USP11: variants seen among roughly 807,000 people sequenced by gnomAD.
USP11 encodes ubiquitin carboxyl-terminal hydrolase 11.
Under a neutral mutation model 72.8 loss-of-function variants are expected in USP11, and 5 were observed. The observed-to-expected ratio is 0.07, with a 90% CI of 0.04 to 0.14. The LOEUF is 0.14. USP11 is among the 10% of genes least tolerant of loss of function. USP11 has a pLI of 1.00. For synonymous variants in USP11, 368 were observed against 326.5 expected (o/e 1.13, Z -1.37); for missense variants, 480 against 794.7 (o/e 0.60, Z 4.76).
At position 47,235,511 on chromosome X, in the gene USP11, G is replaced by A. The variant is rs753529528; in HGVS notation, c.176+2292G>A. Among the ~76,000 whole-genome samples the A allele has an allele frequency of 7.2e-5, 8 of 110,852 alleles. No individual in the cohort carries two copies. The South Asian group carries it at 2.6e-3, about 37-fold the overall frequency. On this transcript the variant is annotated intron_variant, in intron 1 of 20. Coordinates refer to ENST00000377107, the MANE Select transcript of USP11 (RefSeq NM_001371072.1). ...TTAACAGCTTCCCATCTCTTGCAGC[G>A]TAGATGCTAAAATCCTTACAATGAA...
At chrX:47,247,276 C>G in intron 18 of USP11, 28 bp from the exon 19 acceptor site, 2 of 1,210,040 alleles carry the variant, frequency 1.7e-6, no homozygotes, top group Non-Finnish European at 1.1e-6. Context: ...AGGGGGTGTA[C>G]CAGTATTAAC....
chrX:47,241,336 G>T lies in USP11; in HGVS notation c.906G>T (p.Glu302Asp), dbSNP rs773462135. The T allele has an allele frequency of 8.3e-7, 1 of 1,211,697 alleles. No homozygotes were observed. Among genetic ancestry groups the T allele is most frequent in the Non-Finnish European group, 1.1e-6 (1 of 895,451 alleles). Residue 302 changes from glutamate (E) to aspartate (D), a missense_variant, in exon 8 of 21, where the codon GAG becomes GAT. This residue lies in a region of USP11 where 314 missense variants were observed against 556.0 expected (regional missense o/e 0.56). Transcript: ENST00000377107. ...EYFLNNCYLEELNFRNPLGMK... is the reference protein window; with the variant it reads ...EYFLNNCYLEDLNFRNPLGMK... Reference sequence around the variant, plus strand: ...TCCTCAACAACTGCTACCTGGAGGAGCTCAACTTCCGCAACCCACTGGGCA... The same window carrying T: ...TCCTCAACAACTGCTACCTGGAGGATCTCAACTTCCGCAACCCACTGGGCA...
intron 1 of USP11, among the ~76,000 whole-genome samples, chrX:47,234,323 T>C (rs967751557): frequency 9.8e-5 from 11 of 111,963 alleles, no homozygotes; most frequent in East Asian, 2.8e-4. Context: ...TGATCCTCGA[T>C]TGGATCCTGG....
chrX:47,244,586 G>C, intron 14 of USP11, 36 bp downstream of exon 14: 1 of 1,209,269 alleles, frequency 8.3e-7, no homozygotes, highest in Non-Finnish European at 1.1e-6. Flanking sequence ...GGGGGCTCTG[G>C]GTTAGGTCTG....
chrX:47,247,057 G>C lies in USP11; in HGVS notation c.2271-15G>C. 4.2e-6 allele frequency: 5 copies of C among 1,186,189 alleles called. No homozygotes were observed. Among genetic ancestry groups the C allele is most frequent in the Non-Finnish European group, 5.6e-6 (5 of 886,715 alleles). The stretch of plus-strand genomic sequence containing the variant: ...AAAGAAAAAGTCCGTTTGCTGACTC[G>C]GGCTCTGTCTGTAGGTACTGCCCTT... On this transcript the variant is annotated splice_polypyrimidine_tract_variant and intron_variant, in intron 17 of 20. Transcript: ENST00000377107.
intron 1 of USP11, among the ~76,000 whole-genome samples, chrX:47,234,536 G>T (rs2055362702): frequency 9.0e-6 from 1 of 111,376 alleles, no homozygotes; most frequent in Admixed American, 9.6e-5. Flanking sequence ...GGATAAGAAC[G>T]CATCGTGTAA....
In USP11 at chrX:47,239,851, G is replaced by A. The variant is rs764064233; in HGVS notation, c.479G>A (p.Arg160Gln). 9.1e-6 allele frequency: 11 copies of A among 1,209,942 alleles called. No homozygotes were observed. The highest frequency in any genetic ancestry group is 3.0e-5 in the East Asian group (1 of 33,762). Residue 160 changes from arginine to glutamine, a missense_variant, in exon 4 of 21, where the codon CGG becomes CAG. Physicochemically the swap from Arg to Gln is conservative, Grantham distance 43. Transcript: ENST00000377107. ...TACCCAGTAGAACTGCTGCTTGTCC[G>A]GCACAATGATTTGGGCAAATCTCAC... ...EVYPVELLLVRHNDLGKSHTV... is the reference protein window; with the variant it reads ...EVYPVELLLVQHNDLGKSHTV...
intron 16 of USP11, 83 bp from the exon 17 acceptor site, chrX:47,245,287 G>T (rs995817965): frequency 5.1e-6 from 5 of 975,807 alleles, no homozygotes; most frequent in Admixed American, 2.5e-5. Context: ...CTCAGTGTGT[G>T]TCTCCCCCGC....
At chrX:47,240,981 C>A in intron 7 of USP11, 105 bp downstream of exon 7, 1 of 840,001 alleles carries the variant, frequency 1.2e-6, no homozygotes, top group South Asian at 2.4e-5. Context: ...GGCAAGGGGT[C>A]AGGATGAAAG....
At chrX:47,246,962 A>G in intron 17 of USP11, 110 bp from the exon 18 acceptor site, 1 of 990,455 alleles carries the variant, frequency 1.0e-6, no homozygotes, top group Non-Finnish European at 1.3e-6. Context: ...TGGAGGCTGC[A>G]GTGATCCGAG....
rs1283029137 is a variant in USP11, at chrX:47,240,357, C to T, written c.588C>T (p.Asp196=). ...RERFLVEPQE[D]TRLWAKNSEG... ...GGTTTCTGGTGGAGCCCCAGGAAGA[C>T]ACTCGGCTTTGGGCCAAGAACTCAG... The change falls in exon 5 of 21, where the codon GAC becomes GAT. Residue 196 remains aspartate (D), a synonymous_variant. Coordinates refer to ENST00000377107, the MANE Select transcript of USP11 (RefSeq NM_001371072.1). 8.3e-7 allele frequency: 1 copy of T among 1,210,184 alleles called. No individual in the cohort carries two copies. The highest frequency in any genetic ancestry group is 1.1e-6 in the Non-Finnish European group (1 of 895,274).
At chrX:47,237,786 ATGTGTGTGTGTGTGTGTGTG>A (rs763902030) in intron 1 of USP11, among the ~76,000 whole-genome samples, 4 of 38,351 alleles carry the variant, frequency 1.0e-4, no homozygotes, top group Non-Finnish European at 3.6e-4. Context: ...GTGTGTGTGT[ATGTGTGTGTGTGTGTGTGTG>A]TGTGTGTGTG....
At chrX:47,235,643 G>C (rs2055368749) in intron 1 of USP11, among the ~76,000 whole-genome samples, 1 of 109,476 alleles carries the variant, frequency 9.1e-6, no homozygotes, top group Admixed American at 9.9e-5. Flanking sequence ...CGGCCATATT[G>C]GACTCTTGCT....
chrX:47,233,021 G>A lies in USP11; in HGVS notation c.-23G>A, dbSNP rs1354932792. The A allele has an allele frequency of 7.4e-6, 9 of 1,211,998 alleles. No homozygotes were observed. The highest frequency in any genetic ancestry group is 2.3e-4 in the Middle Eastern group (1 of 4,348). ...CTTCCAATCTCGCACAGCTGCGTTGGCTGTAGAAGAGAACGGACGGCGATG... is the reference window on the plus strand; with the variant it reads ...CTTCCAATCTCGCACAGCTGCGTTGACTGTAGAAGAGAACGGACGGCGATG... On this transcript the variant is annotated 5_prime_UTR_variant, in exon 1 of 21. Transcript: ENST00000377107.
chrX:47,247,234 G>A lies in USP11; in HGVS notation c.2420+13G>A. Reference sequence around the variant, plus strand: ...AGTTTCCTATCCGGTCAGGGGCCAGGGAGAGGATGGCTGGGGGAAGGCAGG... The same window carrying A: ...AGTTTCCTATCCGGTCAGGGGCCAGAGAGAGGATGGCTGGGGGAAGGCAGG... On this transcript the variant is annotated intron_variant, in intron 18 of 20. Coordinates refer to ENST00000377107, the MANE Select transcript of USP11 (RefSeq NM_001371072.1). 8.3e-7 allele frequency: 1 copy of A among 1,211,428 alleles called. No homozygotes were observed. Among genetic ancestry groups the A allele is most frequent in the South Asian group, 1.8e-5 (1 of 56,933 alleles).
At chrX:47,243,368 AGGT>A (rs1292706849) in intron 12 of USP11, 25 bp from the exon 13 acceptor site, 2 of 1,207,121 alleles carry the variant, frequency 1.7e-6, no homozygotes, top group Admixed American at 2.2e-5. Flanking sequence ...GGCCCTGATC[AGGT>A]GTGCCTGCTG....
rs967554281 is a variant in USP11 at position 47,234,833 on chromosome X, C to T, written c.176+1614C>T. Among the ~76,000 whole-genome samples, 97 of 111,794 alleles carry T rather than the reference C, an allele frequency of 8.7e-4. 1 individual carries two copies. The highest frequency in any genetic ancestry group is 3.1e-3 in the African/African-American group (95 of 30,774). On this transcript the variant is annotated intron_variant, in intron 1 of 20. Transcript: ENST00000377107. ...TCCACAATGTATACATAAGTCAAAA[C>T]TTCATGCTGTACACTCTAAATATAT...
chrX:47,247,465 A>T, intron 19 of USP11, 46 bp downstream of exon 19: 1 of 1,189,005 alleles, frequency 8.4e-7, no homozygotes, highest in Non-Finnish European at 1.1e-6. Context: ...GGTTCTGGGC[A>T]GGGGGGCGAT....
intron 1 of USP11, chrX:47,233,514 C>T: frequency 2.1e-6 from 2 of 941,655 alleles, no homozygotes; most frequent in South Asian, 4.3e-5. Flanking sequence ...AGTGAAACTG[C>T]GTAGGAACCT....
Sources: allele counts gnomAD v4.1 joint callset (sites outside exome capture counted in the v4.1 genomes callset), GRCh38; gene constraint gnomAD v4.1.1; regional missense constraint gnomAD v4.1.1; transcripts MANE v1.5; gene names NCBI Gene and HGNC (gene_info 2026-07-23, HGNC 2026-07-21).